Variants in CAMTA1 observed in about 807,000 individuals in gnomAD.
CAMTA1 encodes the protein calmodulin-binding transcription activator 1.
In CAMTA1, 27 loss-of-function variants were observed where a neutral mutation model predicts 170.9. The observed-to-expected ratio is 0.16, with a 90% CI of 0.12 to 0.22. The LOEUF (loss-of-function observed/expected upper bound fraction) is 0.22. CAMTA1 is among the 10% of genes least tolerant of loss of function. The pLI, the probability that CAMTA1 is intolerant of heterozygous loss-of-function variation, is 1.00. For missense variants in CAMTA1, 1,619 were observed against 2,217.2 expected (o/e 0.73, Z 5.42); for synonymous variants, 833 against 891.5 (o/e 0.93, Z 1.17).
intron 11 of CAMTA1, among the ~76,000 whole-genome samples, chr1:7,713,928 C>T (rs1433060372): frequency 2.0e-5 from 3 of 152,082 alleles, no homozygotes; most frequent in Non-Finnish European, 2.9e-5. Flanking sequence ...GGATATTGCC[C>T]GGTGAGCACC....
intron 6 of CAMTA1, among the ~76,000 whole-genome samples, chr1:7,539,198 C>A (rs2094581111): frequency 6.6e-6 from 1 of 152,228 alleles, no homozygotes; most frequent in Non-Finnish European, 1.5e-5. Flanking sequence ...GAAGACCTGA[C>A]CTCCTGGCCC....
intron 3 of CAMTA1, among the ~76,000 whole-genome samples, chr1:6,969,840 G>C (rs10864259): frequency 0.99 from 150,348 of 152,344 alleles, 74,211 homozygotes; most frequent in Middle Eastern, 1. Flanking sequence ...TTTGCAAAGA[G>C]AGTTCAGGGG....
intron 3 of CAMTA1, among the ~76,000 whole-genome samples, chr1:6,877,438 A>T (rs912861926): frequency 6.6e-6 from 1 of 152,164 alleles, no homozygotes; most frequent in Non-Finnish European, 1.5e-5. Context: ...TCATTCCTCA[A>T]TGAAGATCTG....
intron 3 of CAMTA1, among the ~76,000 whole-genome samples, chr1:6,917,793 G>T (rs1240486194): frequency 1.4e-5 from 2 of 147,726 alleles, no homozygotes; most frequent in Non-Finnish European, 3.0e-5. Flanking sequence ...GGTGGGGGAG[G>T]GGGCCCCGAG....
Position 7,752,470 on chromosome 1 carries a change from T to C in CAMTA1, c.4895T>C (p.Leu1632Pro). Residue 1632 changes from leucine (L) to proline (P), a missense_variant, in exon 21 of 23, where the codon CTA becomes CCA. Physicochemically the swap from Leu to Pro is moderately conservative, Grantham distance 98 (BLOSUM62 -3). This residue lies in a region of CAMTA1 where 128 missense variants were observed against 213.5 expected (regional missense o/e 0.60). Coordinates refer to ENST00000303635, the MANE Select transcript of CAMTA1 (RefSeq NM_015215.4). ...TCTGACTTTTTCAGGAGCAGTTTGC[T>C]AACCAAAAAGCAGGATCAAGCTGCT... The part of the protein sequence containing the change: ...IVQQKLRSSL[L>P]TKKQDQAARK... The C allele has an allele frequency of 1.2e-6, 2 of 1,613,846 alleles. No homozygotes were observed. Among genetic ancestry groups the C allele is most frequent in the Non-Finnish European group, 8.5e-7 (1 of 1,179,916 alleles).
intron 5 of CAMTA1, among the ~76,000 whole-genome samples, chr1:7,430,164 GTGA>G (rs1370531359): frequency 6.6e-6 from 1 of 152,090 alleles, no homozygotes; most frequent in East Asian, 1.9e-4. Flanking sequence ...GGAGGTGATG[GTGA>G]TGATGACGAT....
At chr1:6,926,311 T>C (rs888857205) in intron 3 of CAMTA1, among the ~76,000 whole-genome samples, 2 of 147,490 alleles carry the variant, frequency 1.4e-5, no homozygotes, top group East Asian at 2.0e-4. Flanking sequence ...TCCTCTCCTC[T>C]CCTCCCCTCC....
chr1:7,701,825 C>A (rs1173739367), intron 11 of CAMTA1, among the ~76,000 whole-genome samples: 1 of 152,150 alleles, frequency 6.6e-6, no homozygotes, highest in Non-Finnish European at 1.5e-5. Context: ...CAGGTATGCT[C>A]AAAGCCCCAT....
chr1:7,292,874 G>A (rs1230775595), intron 5 of CAMTA1, among the ~76,000 whole-genome samples: 1 of 152,116 alleles, frequency 6.6e-6, no homozygotes. Flanking sequence ...CTGCAGCCTC[G>A]CTTCCGCCTT....
At chr1:7,227,544 G>A (rs1307108757) in intron 4 of CAMTA1, among the ~76,000 whole-genome samples, 3 of 151,942 alleles carry the variant, frequency 2.0e-5, no homozygotes, top group Non-Finnish European at 4.4e-5. Context: ...GGTCAGGCTG[G>A]TCTCGAACTC....
At chr1:7,529,437 C>T (rs575468434) in intron 6 of CAMTA1, among the ~76,000 whole-genome samples, 2 of 152,288 alleles carry the variant, frequency 1.3e-5, no homozygotes, top group Non-Finnish European at 2.9e-5. Context: ...TGCGACAGTA[C>T]CCGCTCGCTG....
rs72638525 is a variant in CAMTA1 at position 6,880,545 on chromosome 1, A to G, written c.234+55335A>G. ...ACTGGGACCACAGGGGCATGCCACC[A>G]TGCCCAGCTAACTTTTTGTGTTTTT... is the stretch of plus-strand genomic sequence containing the variant. On this transcript the variant is annotated intron_variant, in intron 3 of 22. Transcript: ENST00000303635. Among the ~76,000 whole-genome samples the G allele has an allele frequency of 6.6e-3, 998 of 152,080 alleles. 7 individuals are homozygous for G. The highest frequency in any genetic ancestry group is 8.7e-3 in the Non-Finnish European group (591 of 67,978).
chr1:7,164,715 T>G (rs1007257803), intron 4 of CAMTA1, among the ~76,000 whole-genome samples: 1 of 152,266 alleles, frequency 6.6e-6, no homozygotes, highest in Admixed American at 6.5e-5. Flanking sequence ...TCCTTGTTTT[T>G]GCAGCGTTTC....
chr1:7,121,179 A>G (rs986687773), intron 4 of CAMTA1, among the ~76,000 whole-genome samples: 15 of 152,242 alleles, frequency 9.9e-5, no homozygotes, highest in Non-Finnish European at 1.9e-4. Context: ...CTGGCCACCA[A>G]GTGACCCTGG....
At chr1:6,857,591 T>C (rs1160326540) in intron 3 of CAMTA1, among the ~76,000 whole-genome samples, 1 of 152,112 alleles carries the variant, frequency 6.6e-6, no homozygotes, top group Non-Finnish European at 1.5e-5. Context: ...GACAAGGACA[T>C]GTGTTTTGTT....
chr1:7,002,310 G>T (rs887743150), intron 3 of CAMTA1, among the ~76,000 whole-genome samples: 1 of 152,130 alleles, frequency 6.6e-6, no homozygotes, highest in Non-Finnish European at 1.5e-5. Flanking sequence ...TGTGGGATAC[G>T]GGAGTCAGGA....
intron 5 of CAMTA1, among the ~76,000 whole-genome samples, chr1:7,305,672 A>C (rs1338739520): frequency 6.6e-6 from 1 of 152,074 alleles, no homozygotes; most frequent in Non-Finnish European, 1.5e-5. Context: ...GATGATCATG[A>C]ATAGATGTTC....
At chr1:7,185,784 A>G (rs1353914485) in intron 4 of CAMTA1, among the ~76,000 whole-genome samples, 1 of 152,202 alleles carries the variant, frequency 6.6e-6, no homozygotes, top group Non-Finnish European at 1.5e-5. Context: ...CATTTGACAA[A>G]CCTAAACTGA....
intron 6 of CAMTA1, among the ~76,000 whole-genome samples, chr1:7,613,270 G>A (rs910105610): frequency 6.6e-6 from 1 of 152,162 alleles, no homozygotes; most frequent in Non-Finnish European, 1.5e-5. Flanking sequence ...ACCCCCTCCC[G>A]ACACCTGCCT....
Sources: allele counts gnomAD v4.1 joint callset (sites outside exome capture counted in the v4.1 genomes callset), GRCh38; gene constraint gnomAD v4.1.1; regional missense constraint gnomAD v4.1.1; transcripts MANE v1.5; gene names NCBI Gene and HGNC (gene_info 2026-07-23, HGNC 2026-07-21).